The following AP3D1 variants were observed in gnomAD, a reference collection of about 807,000 sequenced individuals.
The protein encoded by AP3D1 is AP-3 complex subunit delta-1.
In AP3D1, 51 loss-of-function variants were observed where a neutral mutation model predicts 147.6. The observed-to-expected ratio is 0.35, with a 90% CI of 0.28 to 0.44. AP3D1 has a LOEUF of 0.44. AP3D1 is among the 20% of genes least tolerant of loss of function. The pLI is 1.00. For synonymous variants in AP3D1, 760 were observed against 663.0 expected, an observed-to-expected ratio of 1.15 and a Z score of -2.25; for missense variants, 1,421 against 1,624.2, an observed-to-expected ratio of 0.87 and a Z score of 2.15.
chr19:2,124,495 CCAGGCACATG>C (rs2145083735), intron 9 of AP3D1, among the ~76,000 whole-genome samples: 1 of 152,288 alleles, frequency 6.6e-6, no homozygotes, highest in East Asian at 1.9e-4. Flanking sequence ...CAGGGGACCG[CCAGGCACATG>C]CAGGGACAGA....
chr19:2,110,569 C>G (rs2018242629), intron 27 of AP3D1, 138 bp downstream of exon 27: 3 of 938,814 alleles, frequency 3.2e-6, no homozygotes, highest in Admixed American at 2.7e-5. Context: ...CCCCGACACT[C>G]AGGAGGTACT....
At chr19:2,110,112 A>G (rs749627361) in intron 28 of AP3D1, 24 bp downstream of exon 28, 2 of 1,609,218 alleles carry the variant, frequency 1.2e-6, no homozygotes, top group South Asian at 1.1e-5. Flanking sequence ...TCGGCTCTTC[A>G]ACGCCAAGTG....
At chr19:2,123,713 GC>G in intron 10 of AP3D1, 116 bp downstream of exon 10, 1 of 1,298,436 alleles carries the variant, frequency 7.7e-7, no homozygotes, top group Non-Finnish European at 1.1e-6. Context: ...CTCCCAAGCC[GC>G]AAGATGGCGT....
chr19:2,132,653 G>A, intron 4 of AP3D1, 75 bp from the exon 5 acceptor site: 1 of 1,340,794 alleles, frequency 7.5e-7, no homozygotes, highest in Admixed American at 1.8e-5. Context: ...ACCAGGAGCA[G>A]CAGGAGCGAA....
At chr19:2,109,712 A>C in intron 29 of AP3D1, 161 bp downstream of exon 29, 1 of 679,400 alleles carries the variant, frequency 1.5e-6, no homozygotes, top group Non-Finnish European at 2.5e-6. Context: ...CGGCTGGCGC[A>C]GACACCAGGC....
chr19:2,117,099 G>A, intron 16 of AP3D1, 123 bp downstream of exon 16: 2 of 1,267,066 alleles, frequency 1.6e-6, no homozygotes, highest in Non-Finnish European at 2.1e-6. Context: ...ACCCGCCTGA[G>A]GCCTCCAATC....
intron 9 of AP3D1, among the ~76,000 whole-genome samples, chr19:2,126,813 G>C (rs910614374): frequency 6.6e-5 from 10 of 152,184 alleles, no homozygotes; most frequent in African/African-American, 2.4e-4. Flanking sequence ...CTGAGCAGCA[G>C]GGGCCGGCAT....
intron 1 of AP3D1, among the ~76,000 whole-genome samples, chr19:2,151,013 T>C (rs1164680856): frequency 6.6e-6 from 1 of 152,194 alleles, no homozygotes; most frequent in Non-Finnish European, 1.5e-5. Context: ...GGATCCGAGA[T>C]GTGCTGCTCC....
rs751570038 is a variant in AP3D1 at position 2,110,822 on chromosome 19, G to A, written c.3060C>T (p.Ser1020=). 18 of 1,613,656 alleles carry A rather than the reference G, an allele frequency of 1.1e-5. No homozygotes were observed. Among genetic ancestry groups the A allele is most frequent in the Admixed American group, 1.7e-5 (1 of 60,024 alleles). The change falls in exon 27 of 32, where the codon AGC becomes AGT. Residue 1020 remains serine (S), a synonymous_variant. Transcript: ENST00000643116. Reference sequence around the variant, plus strand: ...TGAGCTCCATGCCCTTGAGGATGCTGCTGCTCCTGTTCTCCAGCACGATGG... The same window carrying A: ...TGAGCTCCATGCCCTTGAGGATGCTACTGCTCCTGTTCTCCAGCACGATGG... ...TVAIVLENRS[S]SILKGMELSV... is the part of the protein sequence containing the mutation.
intron 9 of AP3D1, among the ~76,000 whole-genome samples, chr19:2,126,806 A>G (rs1034551567): frequency 3.3e-5 from 5 of 152,144 alleles, no homozygotes; most frequent in African/African-American, 1.2e-4. Context: ...GCAGGCCCTG[A>G]GCAGCAGGGG....
At chr19:2,129,572 G>C in intron 6 of AP3D1, 115 bp from the exon 7 acceptor site, 1 of 1,319,158 alleles carries the variant, frequency 7.6e-7, no homozygotes. Flanking sequence ...CACTGAACAT[G>C]GCCCTGGCTC....
At chr19:2,112,574 T>G (rs2018314276) in intron 24 of AP3D1, 1 of 325,858 alleles carries the variant, frequency 3.1e-6, no homozygotes, top group African/African-American at 2.2e-5. Flanking sequence ...GTTCTGGAAC[T>G]AGACAGAGGT....
chr19:2,116,424 G>A (rs911779640), intron 17 of AP3D1, 146 bp from the exon 18 acceptor site: 20 of 1,217,140 alleles, frequency 1.6e-5, no homozygotes, highest in African/African-American at 9.2e-5. Flanking sequence ...ACCAAGGCCC[G>A]CAATTGGGAA....
chr19:2,125,162 T>C (rs2018718517), intron 9 of AP3D1, among the ~76,000 whole-genome samples: 1 of 152,138 alleles, frequency 6.6e-6, no homozygotes, highest in Non-Finnish European at 1.5e-5. Context: ...ATACAAAAAA[T>C]ACAAATATCT....
chr19:2,149,186 C>T (rs531352754), intron 1 of AP3D1, among the ~76,000 whole-genome samples: 1 of 152,246 alleles, frequency 6.6e-6, no homozygotes, highest in African/African-American at 2.4e-5. Context: ...CTGAAATCAC[C>T]CACCCGCCAA....
At chr19:2,151,040 G>A (rs915662734) in intron 1 of AP3D1, among the ~76,000 whole-genome samples, 199 bp downstream of exon 1, 1 of 152,258 alleles carries the variant, frequency 6.6e-6, no homozygotes, top group Non-Finnish European at 1.5e-5. Flanking sequence ...TTCGCCCCTC[G>A]TGGGGAAACT....
intron 1 of AP3D1, among the ~76,000 whole-genome samples, chr19:2,159,693 G>C (rs1168922756): frequency 1.4e-5 from 2 of 144,884 alleles, no homozygotes; most frequent in Non-Finnish European, 3.0e-5. Context: ...CGGCCGCCTA[G>C]CTAATTTTTG....
chr19:2,140,233 A>G (rs974412208), intron 1 of AP3D1, among the ~76,000 whole-genome samples: 3 of 152,276 alleles, frequency 2.0e-5, no homozygotes, highest in African/African-American at 7.2e-5. Flanking sequence ...GGGATGTCAA[A>G]CGGCGCGGCT....
chr19:2,126,447 A>T (rs1045302844), intron 9 of AP3D1, among the ~76,000 whole-genome samples: 1 of 152,162 alleles, frequency 6.6e-6, no homozygotes, highest in African/African-American at 2.4e-5. Flanking sequence ...AGAGGTCAGG[A>T]GTTCGAGACC....
Sources: allele counts gnomAD v4.1 joint callset (sites outside exome capture counted in the v4.1 genomes callset), GRCh38; gene constraint gnomAD v4.1.1; transcripts MANE v1.5; gene names NCBI Gene and HGNC (gene_info 2026-07-23, HGNC 2026-07-21).